The following CDKL4 variants were observed in gnomAD, a reference collection of about 807,000 sequenced individuals.
CDKL4 encodes the protein cyclin dependent kinase like 4, also known as cyclin-dependent kinase-like 4.
CDKL4 carries 44 observed loss-of-function variants against 42.0 expected under a neutral mutation model. The ratio of observed to expected loss-of-function variants is 1.05; its 90% CI spans 0.82 to 1.35. The LOEUF (loss-of-function observed/expected upper bound fraction) is 1.35. CDKL4 is among the 40% of genes most tolerant of loss of function. CDKL4 has a pLI of 0.00. For synonymous variants in CDKL4, 120 were observed against 121.6 expected, an observed-to-expected ratio of 0.99 and a Z score of 0.09; for missense variants, 393 against 369.9, an observed-to-expected ratio of 1.06 and a Z score of -0.51.
intron 3 of CDKL4, among the ~76,000 whole-genome samples, chr2:39,217,720 AT>A (rs1678018753): frequency 7.3e-6 from 1 of 136,924 alleles, no homozygotes; most frequent in Middle Eastern, 3.6e-3. Flanking sequence ...TTATTTATTT[AT>A]TTATTTATTT....
intron 1 of CDKL4, among the ~76,000 whole-genome samples, chr2:39,239,986 A>G (rs1679577709): frequency 6.6e-6 from 1 of 152,000 alleles, no homozygotes; most frequent in Admixed American, 6.6e-5. Flanking sequence ...GCTACTTGGG[A>G]GGCTGAGGCA....
chr2:39,194,961 C>A (rs1455976576), intron 5 of CDKL4, among the ~76,000 whole-genome samples: 1 of 152,164 alleles, frequency 6.6e-6, no homozygotes, highest in Non-Finnish European at 1.5e-5. Context: ...CTTTAAACAA[C>A]AACTCCCCAT....
At chr2:39,187,492 C>G in intron 7 of CDKL4, 135 bp downstream of exon 7, 1 of 601,090 alleles carries the variant, frequency 1.7e-6, no homozygotes, top group Non-Finnish European at 2.8e-6. Context: ...CTGCAGTGAG[C>G]CATGACCTTG....
At chr2:39,179,233 ATTT>A in exon 9 of CDKL4, 1 of 1,613,560 alleles carries the variant, frequency 6.2e-7, no homozygotes, top group South Asian at 1.1e-5. Context: ...TTTTCTTTTA[ATTT>A]GGGCCTCTTG....
At chr2:39,221,639 A>G (rs759772082) in intron 3 of CDKL4, among the ~76,000 whole-genome samples, 36 of 152,236 alleles carry the variant, frequency 2.4e-4, no homozygotes, top group Non-Finnish European at 3.8e-4. Flanking sequence ...GCAACGCACT[A>G]CTGAACACCA....
chr2:39,208,179 G>A (rs1476457693), intron 4 of CDKL4, among the ~76,000 whole-genome samples: 1 of 151,822 alleles, frequency 6.6e-6, no homozygotes, highest in Non-Finnish European at 1.5e-5. Flanking sequence ...GGCATGGGGG[G>A]AAGAAGATGC....
intron 4 of CDKL4, among the ~76,000 whole-genome samples, chr2:39,207,613 A>T (rs1192381378): frequency 2.6e-5 from 4 of 152,222 alleles, no homozygotes; most frequent in Non-Finnish European, 4.4e-5. Flanking sequence ...ATATCTGTCC[A>T]TTGGCCTATA....
chr2:39,238,687 C>G (rs1679493121), intron 1 of CDKL4, among the ~76,000 whole-genome samples: 2 of 152,022 alleles, frequency 1.3e-5, no homozygotes, highest in African/African-American at 4.8e-5. Flanking sequence ...ATCAATGAAA[C>G]ATAATAATGA....
At chr2:39,212,445 G>A (rs981860456) in intron 4 of CDKL4, among the ~76,000 whole-genome samples, 1 of 151,924 alleles carries the variant, frequency 6.6e-6, no homozygotes, top group African/African-American at 2.4e-5. Flanking sequence ...GTGTTGGCCA[G>A]GATGGTCTCG....
chr2:39,246,387 A>C (rs1369806505), upstream of CDKL4, among the ~76,000 whole-genome samples: 1 of 152,236 alleles, frequency 6.6e-6, no homozygotes, highest in East Asian at 1.9e-4. Context: ...TTTCTCATTA[A>C]GTATACAAGT....
Position 39,229,445 on chromosome 2 carries a change from C to T in CDKL4, c.88G>A (p.Val30Ile), listed in dbSNP as rs746455095. 3 of 1,613,508 alleles carry T rather than the reference C, an allele frequency of 1.9e-6. No individual in the cohort carries two copies. The South Asian group carries it at 3.3e-5, about 18-fold the overall frequency. ...GATTCCACAAATTTTTTAACAGCTA[C>T]TACTTGTCCAGAGGTTTTGTTTCTG... Residue 30 changes from valine to isoleucine, a missense_variant, in exon 2 of 10, where the codon GTA (valine) becomes ATA (isoleucine). Coordinates refer to ENST00000451199, the Ensembl canonical transcript of CDKL4.
chr2:39,178,634 C>T, intron 9 of CDKL4: 1 of 1,581,432 alleles, frequency 6.3e-7, no homozygotes. Context: ...TAACAGTCAC[C>T]ATACTGTTCT....
At position 39,229,354 on chromosome 2, in the gene CDKL4, A is replaced by G; in HGVS notation, c.168+11T>C. 1 of 1,541,256 alleles carries G rather than the reference A, an allele frequency of 6.5e-7. No homozygotes were observed. The highest frequency in any genetic ancestry group is 2.3e-5 in the East Asian group (1 of 43,986). The stretch of plus-strand genomic sequence containing the variant: ...TCCATGATATTTTACATATATATAA[A>G]GTTAACTTACCTTCAACATACGTAT... On this transcript the variant is annotated intron_variant, in intron 2 of 9. Coordinates refer to ENST00000451199, the Ensembl canonical transcript of CDKL4.
intron 1 of CDKL4, among the ~76,000 whole-genome samples, chr2:39,231,219 AAAACAAAC>A (rs144520887): frequency 1.3e-4 from 19 of 151,204 alleles, no homozygotes; most frequent in Admixed American, 1.3e-4. Context: ...CTCAAAAACA[AAAACAAAC>A]AAACAAACAA....
At chr2:39,193,751 TA>T (rs1572961947) in intron 5 of CDKL4, among the ~76,000 whole-genome samples, 1 of 152,082 alleles carries the variant, frequency 6.6e-6, no homozygotes, top group Admixed American at 6.6e-5. Flanking sequence ...AAGAAGAAAA[TA>T]AAACATCACC....
chr2:39,219,184 C>T (rs1239689266), intron 3 of CDKL4, among the ~76,000 whole-genome samples: 1 of 152,122 alleles, frequency 6.6e-6, no homozygotes, highest in East Asian at 1.9e-4. Flanking sequence ...TAAACTAAAA[C>T]CCTGTGACAA....
chr2:39,242,327 T>C (rs1679702673), intron 1 of CDKL4, among the ~76,000 whole-genome samples: 1 of 152,252 alleles, frequency 6.6e-6, no homozygotes, highest in African/African-American at 2.4e-5. Context: ...GTTACTGGCA[T>C]GAGCCACCCA....
At chr2:39,210,966 T>G (rs1677551972) in intron 4 of CDKL4, among the ~76,000 whole-genome samples, 1 of 152,264 alleles carries the variant, frequency 6.6e-6, no homozygotes, top group Non-Finnish European at 1.5e-5. Context: ...TGTATTCTCA[T>G]GATCTTGTAC....
downstream of CDKL4, among the ~76,000 whole-genome samples, chr2:39,171,400 A>G (rs183630240): frequency 1.0e-3 from 156 of 152,286 alleles, 1 homozygote; most frequent in Non-Finnish European, 2.0e-3. Context: ...CCTTTACTCA[A>G]TCATCTCCCT....
Sources: gnomAD v4.1 joint callset for allele counts (sites outside exome capture counted in the v4.1 genomes callset) on GRCh38, gnomAD v4.1.1 for gene constraint, MANE v1.5 for transcripts, NCBI Gene and HGNC (gene_info 2026-07-23, HGNC 2026-07-21) for gene names.